MTCH2: variants seen among roughly 807,000 people sequenced by gnomAD.
MTCH2 encodes mitochondrial carrier homolog 2.
In MTCH2, 25 loss-of-function variants were observed where a neutral mutation model predicts 50.6. The observed-to-expected ratio is 0.49, with a 90% CI of 0.36 to 0.69. The LOEUF (loss-of-function observed/expected upper bound fraction) is 0.69, where lower values mean the gene tolerates loss of function less well. Among genes scored for constraint, MTCH2 ranks in the 30% least tolerant of loss-of-function variants. The pLI, the probability that MTCH2 is intolerant of heterozygous loss-of-function variation, is 0.00. For synonymous variants in MTCH2, 106 were observed against 132.0 expected, an observed-to-expected ratio of 0.80 and a Z score of 1.35; for missense variants, 273 against 384.4, an observed-to-expected ratio of 0.71 and a Z score of 2.42.
At chr11:47,627,053 A>C in intron 10 of MTCH2, 27 bp downstream of exon 10, 3 of 1,533,632 alleles carry the variant, frequency 2.0e-6, no homozygotes, top group Non-Finnish European at 2.7e-6. Context: ...TATTCCTAGA[A>C]GGTTAAAAGG....
the MTCH2 span, among the ~76,000 whole-genome samples, chr11:47,609,923 G>C: frequency 4.6e-5 from 7 of 152,334 alleles, no homozygotes; most frequent in South Asian, 8.3e-4. Context: ...TGAGAATCCA[G>C]CAGTGATTTT....
At chr11:47,641,447 A>C (rs1463065522) in intron 1 of MTCH2, among the ~76,000 whole-genome samples, 2 of 152,160 alleles carry the variant, frequency 1.3e-5, no homozygotes, top group Non-Finnish European at 2.9e-5. Context: ...TTTTTACAGA[A>C]AAGTAGACGG....
chr11:47,634,595 CTGA>C (rs1320460255), intron 5 of MTCH2, 74 bp downstream of exon 5: 5 of 1,119,264 alleles, frequency 4.5e-6, no homozygotes, highest in Non-Finnish European at 6.7e-6. Flanking sequence ...ACACACAGGC[CTGA>C]TGATTCTGAT....
At position 47,626,113 on chromosome 11, in the gene MTCH2, C is replaced by T. The variant is rs551089687; in HGVS notation, c.682-372G>A. ...GCAACCTCCGCCTCCTGGGTTCAAG[C>T]GATTCTCCTGCAACCTCCGCCTCCT... On this transcript the variant is annotated intron_variant, in intron 10 of 12. Coordinates refer to ENST00000302503, the MANE Select transcript of MTCH2 (RefSeq NM_014342.4). Among the ~76,000 whole-genome samples the T allele has an allele frequency of 3.9e-4, 59 of 151,572 alleles. 1 individual carries two copies. The highest frequency in any genetic ancestry group is 4.2e-4 in the South Asian group (2 of 4,780).
intron 10 of MTCH2, 103 bp downstream of exon 10, chr11:47,626,977 A>G: frequency 1.2e-6 from 1 of 851,040 alleles, no homozygotes; most frequent in Middle Eastern, 2.4e-4. Context: ...CCAGTGAGAC[A>G]TCTGGTTATC....
At chr11:47,638,566 A>AAT in intron 3 of MTCH2, 133 bp downstream of exon 3, 2 of 629,542 alleles carry the variant, frequency 3.2e-6, no homozygotes, top group East Asian at 3.2e-5. Flanking sequence ...AAAAAAAAAA[A>AAT]GAAAGTGTTT....
rs774000009 is a variant in MTCH2 at position 47,630,589 on chromosome 11, T to C, written c.505A>G (p.Ile169Val). Residue 169 changes from isoleucine (I) to valine (V), a missense_variant, in exon 8 of 13, where the codon ATC becomes GTC. Ile to Val is a conservative substitution (Grantham distance 29). This residue lies in a region of MTCH2 where 203 missense variants were observed against 244.3 expected (regional missense o/e 0.83). Coordinates refer to ENST00000302503, the MANE Select transcript of MTCH2 (RefSeq NM_014342.4). ...CCTAGAATGCCCTCTTCCCGATAGATGGTTATTATGGAATCACAAAGTCCA... is the reference window on the plus strand; with the variant it reads ...CCTAGAATGCCCTCTTCCCGATAGACGGTTATTATGGAATCACAAAGTCCA... ...YCGLCDSIITIYREEGILGFF... is the reference protein window; with the variant it reads ...YCGLCDSIITVYREEGILGFF... 1.2e-6 allele frequency: 2 copies of C among 1,612,886 alleles called. No homozygotes were observed. Among genetic ancestry groups the C allele is most frequent in the Admixed American group, 1.7e-5 (1 of 60,004 alleles).
At chr11:47,624,639 C>T (rs1386058798) in intron 11 of MTCH2, among the ~76,000 whole-genome samples, 1 of 151,756 alleles carries the variant, frequency 6.6e-6, no homozygotes, top group Non-Finnish European at 1.5e-5. Flanking sequence ...TGTGTCTTCA[C>T]AAAAAATAAT....
At chr11:47,624,275 G>A (rs535399973) in intron 11 of MTCH2, among the ~76,000 whole-genome samples, 1 of 149,914 alleles carries the variant, frequency 6.7e-6, no homozygotes, top group Non-Finnish European at 1.5e-5. Context: ...ACTCAGTAGA[G>A]TCACTTGGCA....
chr11:47,628,418 A>G (rs2097299976), intron 9 of MTCH2, among the ~76,000 whole-genome samples: 1 of 152,206 alleles, frequency 6.6e-6, no homozygotes, highest in South Asian at 2.1e-4. Context: ...ACTCTGTCAC[A>G]TCTTACGGAC....
the MTCH2 span, among the ~76,000 whole-genome samples, chr11:47,607,228 T>G: frequency 6.6e-6 from 1 of 152,252 alleles, no homozygotes. Flanking sequence ...CATATGTATG[T>G]ACCTGTGCAT....
chr11:47,632,105 GGA>G, intron 5 of MTCH2, among the ~76,000 whole-genome samples: 1 of 151,954 alleles, frequency 6.6e-6, no homozygotes, highest in Non-Finnish European at 1.5e-5. Flanking sequence ...AAGTGATTTT[GGA>G]GAGTCTGACA....
chr11:47,627,389 C>T (rs1446951160), intron 9 of MTCH2, among the ~76,000 whole-genome samples: 3 of 151,320 alleles, frequency 2.0e-5, no homozygotes, highest in African/African-American at 7.3e-5. Flanking sequence ...CTCCTGGGCT[C>T]AAGAGATCCT....
chr11:47,604,939 G>T, the MTCH2 span, among the ~76,000 whole-genome samples: 24 of 149,494 alleles, frequency 1.6e-4, no homozygotes, highest in African/African-American at 5.9e-4. Flanking sequence ...TGTTTTTTTT[G>T]TTTTTTTTTG....
chr11:47,631,136 C>T lies in MTCH2; in HGVS notation c.428-49G>A, dbSNP rs367796394. On this transcript the variant is annotated intron_variant, in intron 6 of 12. Coordinates refer to ENST00000302503, the MANE Select transcript of MTCH2 (RefSeq NM_014342.4). ...TTTACAACTATGTTAAGGCCAGGTG[C>T]GGTGGCTCACACCTGTAATCCCAGC... is the stretch of plus-strand genomic sequence containing the variant. The T allele has an allele frequency of 2.4e-4, 355 of 1,487,424 alleles. 1 individual carries two copies. Among genetic ancestry groups the T allele is most frequent in the Middle Eastern group, 5.4e-4 (3 of 5,532 alleles). 92.1% of individuals were successfully genotyped at this position (1,487,424 alleles called of 1,614,324 possible). A position where few individuals can be genotyped will look rare whatever the true frequency, so the allele number is the denominator to read the frequency against.
chr11:47,625,292 G>A (rs951842329), intron 11 of MTCH2, among the ~76,000 whole-genome samples: 8 of 150,676 alleles, frequency 5.3e-5, no homozygotes, highest in South Asian at 2.1e-4. Flanking sequence ...GCATGGTGGC[G>A]AATGCCTGTA....
At chr11:47,640,866 C>T (rs1476763917) in intron 1 of MTCH2, among the ~76,000 whole-genome samples, 1 of 150,820 alleles carries the variant, frequency 6.6e-6, no homozygotes, top group Non-Finnish European at 1.5e-5. Flanking sequence ...CCCCGTCTCC[C>T]AGAGAAGTAT....
At chr11:47,633,730 T>C (rs1174958663) in intron 5 of MTCH2, among the ~76,000 whole-genome samples, 1 of 149,702 alleles carries the variant, frequency 6.7e-6, no homozygotes, top group African/African-American at 2.5e-5. Context: ...AGAGACGGGG[T>C]TTCTCCATGT....
chr11:47,633,832 C>G (rs914559276), intron 5 of MTCH2, among the ~76,000 whole-genome samples: 77 of 151,430 alleles, frequency 5.1e-4, no homozygotes, highest in Non-Finnish European at 7.8e-4. Flanking sequence ...CCACTGCGCC[C>G]AGCCTTTGGA....
Sources: gnomAD v4.1 joint callset for allele counts (sites outside exome capture counted in the v4.1 genomes callset) on GRCh38, gnomAD v4.1.1 for gene constraint, gnomAD v4.1.1 regional missense constraint, MANE v1.5 for transcripts, NCBI Gene and HGNC (gene_info 2026-07-23, HGNC 2026-07-21) for gene names.